Variants in KCNMA1 observed in about 807,000 individuals in gnomAD.
The protein encoded by KCNMA1 is Calcium-activated potassium channel subunit alpha-1.
A neutral mutation model predicts 140.0 loss-of-function variants in KCNMA1; 29 were observed. The ratio of observed to expected loss-of-function variants is 0.21; its 90% CI spans 0.15 to 0.28. KCNMA1 has a LOEUF of 0.28. KCNMA1 is among the 10% of genes least tolerant of loss of function. The pLI, the probability that KCNMA1 is intolerant of heterozygous loss-of-function variation, is 1.00. For synonymous variants in KCNMA1, 612 were observed against 611.9 expected, an observed-to-expected ratio of 1.00 and a Z score of 0.00; for missense variants, 880 against 1,602.2, an observed-to-expected ratio of 0.55 and a Z score of 7.70.
intron 1 of KCNMA1, among the ~76,000 whole-genome samples, chr10:77,467,455 G>A (rs1456266625): frequency 6.6e-6 from 1 of 152,204 alleles, no homozygotes; most frequent in Admixed American, 6.5e-5. Context: ...GTGCCAGTGC[G>A]ATGATCCAAC....
chr10:76,970,104 T>G (rs1352215203), intron 19 of KCNMA1, 37 bp from the exon 20 acceptor site: 1 of 1,528,426 alleles, frequency 6.5e-7, no homozygotes, highest in Admixed American at 1.7e-5. Context: ...TATGAACAGT[T>G]TGAGGGCAGA....
At chr10:77,523,201 G>A (rs965561809) in intron 1 of KCNMA1, among the ~76,000 whole-genome samples, 2 of 127,274 alleles carry the variant, frequency 1.6e-5, no homozygotes, top group Non-Finnish European at 1.5e-5. Flanking sequence ...AACCTTGGAC[G>A]TGCCCCCCCC....
intron 25 of KCNMA1, among the ~76,000 whole-genome samples, chr10:76,892,667 G>T (rs1295410430): frequency 6.6e-6 from 1 of 152,102 alleles, no homozygotes; most frequent in Non-Finnish European, 1.5e-5. Context: ...AGTTTAGCTG[G>T]CAAGGCATAG....
intron 5 of KCNMA1, among the ~76,000 whole-genome samples, chr10:77,172,321 A>G (rs1323451397): frequency 6.6e-6 from 1 of 152,156 alleles, no homozygotes; most frequent in Admixed American, 6.6e-5. Context: ...GAAGACATTC[A>G]TTTTAGGATG....
At chr10:77,020,663 T>A (rs999530600) in intron 16 of KCNMA1, 9 of 152,232 alleles carry the variant, frequency 5.9e-5, no homozygotes, top group Non-Finnish European at 2.9e-5. Flanking sequence ...TCTGACTTCA[T>A]GCAATCACGA....
intron 1 of KCNMA1, among the ~76,000 whole-genome samples, chr10:77,519,943 G>A (rs59799974): frequency 0.066 from 10,057 of 151,594 alleles, 1,044 homozygotes; most frequent in East Asian, 0.51. Context: ...GCAGCGTGAG[G>A]GTATGCAGTG....
intron 14 of KCNMA1, among the ~76,000 whole-genome samples, chr10:77,058,334 G>A (rs1038564197): frequency 3.9e-5 from 6 of 152,146 alleles, no homozygotes; most frequent in South Asian, 2.1e-4. Flanking sequence ...CATCCTTCTC[G>A]TAGTAAGATG....
chr10:77,254,505 G>A (rs1427991928), intron 2 of KCNMA1, among the ~76,000 whole-genome samples: 1 of 152,156 alleles, frequency 6.6e-6, no homozygotes, highest in Admixed American at 6.5e-5. Flanking sequence ...TTACAGGCAT[G>A]AGCCACTGCA....
chr10:77,287,930 G>A (rs980365513), intron 2 of KCNMA1, among the ~76,000 whole-genome samples: 4 of 152,218 alleles, frequency 2.6e-5, no homozygotes, highest in African/African-American at 9.7e-5. Flanking sequence ...ACAATTTGAT[G>A]GAAAGGGCAA....
intron 9 of KCNMA1, among the ~76,000 whole-genome samples, chr10:77,104,618 T>C (rs751118707): frequency 1.3e-5 from 2 of 152,148 alleles, no homozygotes; most frequent in Non-Finnish European, 2.9e-5. Context: ...AGTCCCAACA[T>C]GGGAAACACA....
At chr10:77,119,611 G>T (rs2153938804) in intron 6 of KCNMA1, among the ~76,000 whole-genome samples, 1 of 152,238 alleles carries the variant, frequency 6.6e-6, no homozygotes, top group African/African-American at 2.4e-5. Context: ...CTAGCACATA[G>T]AAGAATAATT....
intron 1 of KCNMA1, among the ~76,000 whole-genome samples, chr10:77,608,771 A>G (rs542674515): frequency 6.6e-6 from 1 of 152,302 alleles, no homozygotes. Context: ...CATCTCTATC[A>G]AAAAGAACCG....
chr10:77,079,990 T>C (rs555382499), intron 12 of KCNMA1, among the ~76,000 whole-genome samples: 5 of 152,302 alleles, frequency 3.3e-5, no homozygotes, highest in African/African-American at 1.2e-4. Flanking sequence ...AATGCATGGA[T>C]GAATTCCAGT....
chr10:77,323,936 T>C (rs1422375886), intron 2 of KCNMA1, among the ~76,000 whole-genome samples: 1 of 152,198 alleles, frequency 6.6e-6, no homozygotes, highest in Non-Finnish European at 1.5e-5. Context: ...AGGCAATTTC[T>C]AGACAGAACA....
chr10:77,266,147 T>G (rs1205015440), intron 2 of KCNMA1, among the ~76,000 whole-genome samples: 1 of 150,816 alleles, frequency 6.6e-6, no homozygotes, highest in Non-Finnish European at 1.5e-5. Context: ...ACCATAAAAC[T>G]TGTAAAGGTG....
intron 2 of KCNMA1, among the ~76,000 whole-genome samples, chr10:77,377,831 T>C (rs1379218006): frequency 6.6e-6 from 1 of 152,208 alleles, no homozygotes; most frequent in East Asian, 1.9e-4. Context: ...TTCCCTCCTG[T>C]GTAAAACAGC....
At chr10:77,473,935 C>T (rs942813260) in intron 1 of KCNMA1, among the ~76,000 whole-genome samples, 4 of 152,192 alleles carry the variant, frequency 2.6e-5, no homozygotes, top group African/African-American at 4.8e-5. Context: ...GCTAGCTCCC[C>T]GCTCAGCCTC....
chr10:77,114,951 G>A (rs772038107), intron 6 of KCNMA1, among the ~76,000 whole-genome samples: 5 of 152,184 alleles, frequency 3.3e-5, no homozygotes, highest in Non-Finnish European at 7.3e-5. Context: ...GAGAACCAAT[G>A]ATTTAAATTC....
chr10:76,962,826 T>C (rs749751447), intron 20 of KCNMA1, among the ~76,000 whole-genome samples: 1 of 152,176 alleles, frequency 6.6e-6, no homozygotes, highest in Admixed American at 6.5e-5. Context: ...CCAAACACTC[T>C]TCAAGCAGTC....
Sources: allele counts gnomAD v4.1 joint callset (sites outside exome capture counted in the v4.1 genomes callset), GRCh38; gene constraint gnomAD v4.1.1; transcripts MANE v1.5; gene names NCBI Gene and HGNC (gene_info 2026-07-23, HGNC 2026-07-21).